Variants in ADGRG1 observed in about 807,000 individuals in gnomAD.
ADGRG1 encodes the protein adhesion G protein-coupled receptor G1.
Under a neutral mutation model 73.5 loss-of-function variants are expected in ADGRG1, and 53 were observed. The observed-to-expected ratio is 0.72, with a 90% CI of 0.58 to 0.91. ADGRG1 has a LOEUF of 0.91. ADGRG1 is among the 40% of genes least tolerant of loss of function. The pLI, the probability that ADGRG1 is intolerant of heterozygous loss-of-function variation, is 0.00. For missense variants in ADGRG1, 795 were observed against 871.8 expected, an observed-to-expected ratio of 0.91 and a Z score of 1.11; for synonymous variants, 394 against 374.4, an observed-to-expected ratio of 1.05 and a Z score of -0.60.
In ADGRG1 at chr16:57,663,644, G is replaced by C; in HGVS notation, c.*62G>C. ...TTCGGCCTCGTCGCACACTGCCTGT[G>C]GCCCCCGAGCCCGGCCCAGCCCCAG... On this transcript the variant is annotated 3_prime_UTR_variant, in exon 14 of 14. Transcript: ENST00000562631. The C allele has an allele frequency of 8.2e-6, 13 of 1,583,920 alleles. No individual in the cohort carries two copies. The highest frequency in any genetic ancestry group is 2.2e-5 in the East Asian group (1 of 44,752).
At chr16:57,640,968 C>A in intron 1 of ADGRG1, 1 of 985,398 alleles carries the variant, frequency 1.0e-6, no homozygotes, top group Non-Finnish European at 1.2e-6. Flanking sequence ...CTCAGCCAGA[C>A]AACTGAGGTC....
chr16:57,656,438 C>T (rs1426643875), intron 8 of ADGRG1, 76 bp from the exon 9 acceptor site: 16 of 1,598,566 alleles, frequency 1.0e-5, no homozygotes, highest in South Asian at 3.3e-5. Context: ...ATGACACAGT[C>T]GTGCTTTTGG....
At chr16:57,630,655 A>G (rs922962468) in intron 1 of ADGRG1, 14 of 362,668 alleles carry the variant, frequency 3.9e-5, no homozygotes, top group Non-Finnish European at 5.4e-5. Flanking sequence ...TGTCAGGGAT[A>G]CAAACAAACA....
upstream of ADGRG1, chr16:57,624,770 A>C: frequency 2.1e-6 from 2 of 953,548 alleles, no homozygotes; most frequent in Non-Finnish European, 2.5e-6. Context: ...ATGTTCTTGA[A>C]GATCTCCTCC....
intron 1 of ADGRG1, chr16:57,631,820 G>A (rs569391127): frequency 1.0e-6 from 1 of 985,412 alleles, no homozygotes; most frequent in Admixed American, 6.1e-5. Flanking sequence ...TCCTGTCTCT[G>A]GTGCCCCATC....
Position 57,650,238 on chromosome 16 carries a change from C to G in ADGRG1, c.-35-15C>G, listed in dbSNP as rs778080775. Reference sequence around the variant, plus strand: ...ACAGTCCACACTCCCAGCTAACACTCCTGGTCTCTTCCAGGTGGTGACTTC... The same window carrying G: ...ACAGTCCACACTCCCAGCTAACACTGCTGGTCTCTTCCAGGTGGTGACTTC... On this transcript the variant is annotated splice_polypyrimidine_tract_variant and intron_variant, in intron 1 of 13. Transcript: ENST00000562631. The G allele has an allele frequency of 6.9e-6, 11 of 1,593,614 alleles. No homozygotes were observed. In the South Asian group the frequency reaches 1.2e-4, roughly 18 times the overall value.
intron 1 of ADGRG1, chr16:57,639,622 C>A: frequency 2.0e-6 from 2 of 985,550 alleles, no homozygotes; most frequent in Non-Finnish European, 2.4e-6. Flanking sequence ...ATCTGCCACG[C>A]ACGTTCTTAA....
Position 57,653,579 on chromosome 16 carries a change from G to C in ADGRG1, c.620+244G>C, listed in dbSNP as rs560613821. 1.3e-5 allele frequency: 13 copies of C among 985,228 alleles called. No homozygotes were observed. The South Asian group carries it at 6.1e-4, about 46-fold the overall frequency. 61.0% of individuals were successfully genotyped at this position (985,228 alleles called of 1,614,324 possible). ...GCCCTCCTCCCCCTCATAAAGAAAGGATGGGTGGTCCACAGTACAGCCCAG... is the reference window on the plus strand; with the variant it reads ...GCCCTCCTCCCCCTCATAAAGAAAGCATGGGTGGTCCACAGTACAGCCCAG... On this transcript the variant is annotated intron_variant, in intron 4 of 13. Coordinates refer to ENST00000562631, the MANE Select transcript of ADGRG1 (RefSeq NM_201525.4).
chr16:57,657,777 T>G (rs556397224), intron 10 of ADGRG1, among the ~76,000 whole-genome samples: 3 of 152,302 alleles, frequency 2.0e-5, no homozygotes, highest in South Asian at 4.1e-4. Context: ...GCCTTGCCTC[T>G]GTCGCCCAGG....
At chr16:57,628,892 GA>G in intron 1 of ADGRG1, 90 bp downstream of exon 1, 1 of 913,200 alleles carries the variant, frequency 1.1e-6, no homozygotes, top group Non-Finnish European at 1.3e-6. Context: ...GTGAGAGTGT[GA>G]GTGTGTGAGT....
chr16:57,628,488 C>G (rs1489078778), upstream of ADGRG1: 5 of 984,596 alleles, frequency 5.1e-6, no homozygotes, highest in Admixed American at 2.5e-4. Flanking sequence ...TCAGCCCTGC[C>G]CCCTCCTGGT....
At chr16:57,657,538 C>A in intron 10 of ADGRG1, 47 bp downstream of exon 10, 1 of 1,356,116 alleles carries the variant, frequency 7.4e-7, no homozygotes, top group Non-Finnish European at 1.1e-6. Flanking sequence ...CTCCATTGCA[C>A]ACACCTCCAC....
At chr16:57,634,334 T>C in intron 1 of ADGRG1, 1 of 985,388 alleles carries the variant, frequency 1.0e-6, no homozygotes, top group Non-Finnish European at 1.2e-6. Context: ...CCCAAGGGGC[T>C]GGCAGGGGCC....
chr16:57,626,848 G>T (rs1314710636), upstream of ADGRG1: 1 of 976,998 alleles, frequency 1.0e-6, no homozygotes, highest in African/African-American at 1.8e-5. Flanking sequence ...AGAGGTGGTG[G>T]TATGTCAGGG....
chr16:57,643,870 AGGACCCAT>A (rs1222976450), intron 1 of ADGRG1: 2 of 830,474 alleles, frequency 2.4e-6, no homozygotes, highest in African/African-American at 5.1e-5. Context: ...CTGTTATCCC[AGGACCCAT>A]GGGTGCGGCT....
At chr16:57,662,212 C>G (rs114242406) in intron 13 of ADGRG1, among the ~76,000 whole-genome samples, 114 of 152,264 alleles carry the variant, frequency 7.5e-4, no homozygotes, top group African/African-American at 2.7e-3. Flanking sequence ...TTTTGGAACT[C>G]AGCTCTACTG....
intron 1 of ADGRG1, chr16:57,635,785 T>C: frequency 1.0e-6 from 1 of 985,070 alleles, no homozygotes; most frequent in East Asian, 1.1e-4. Flanking sequence ...GGGAAAGGAG[T>C]GCACCATGCT....
chr16:57,660,300 A>C, intron 11 of ADGRG1: 4 of 984,956 alleles, frequency 4.1e-6, no homozygotes, highest in Non-Finnish European at 4.8e-6. Flanking sequence ...CCCCATTTGC[A>C]TGAAATTCCT....
At chr16:57,632,436 A>T (rs2038217657) in intron 1 of ADGRG1, 1 of 605,562 alleles carries the variant, frequency 1.7e-6, no homozygotes, top group Non-Finnish European at 2.1e-6. Context: ...GCATGAAGAG[A>T]GTTGATAGAG....
Sources: gnomAD v4.1 joint callset for allele counts (sites outside exome capture counted in the v4.1 genomes callset) on GRCh38, gnomAD v4.1.1 for gene constraint, MANE v1.5 for transcripts, NCBI Gene and HGNC (gene_info 2026-07-23, HGNC 2026-07-21) for gene names.